The following FOXP1 variants were observed in gnomAD, a reference collection of about 807,000 sequenced individuals.
The protein encoded by FOXP1 is forkhead box protein P1.
A neutral mutation model predicts 98.2 loss-of-function variants in FOXP1; 15 were observed. That is an observed-to-expected ratio of 0.15 (90% CI 0.10 to 0.24). The LOEUF (loss-of-function observed/expected upper bound fraction) is 0.24, where lower values mean the gene tolerates loss of function less well. Among genes scored for constraint, FOXP1 ranks in the 10% least tolerant of loss-of-function variants. FOXP1 has a pLI of 1.00. For missense variants in FOXP1, 633 were observed against 848.5 expected (o/e 0.75, Z 3.15); for synonymous variants, 371 against 314.5 (o/e 1.18, Z -1.90).
In FOXP1 at chr3:71,430,951, GC is replaced by G. The variant is rs1291569050; in HGVS notation, c.-168+62474del. ...GGAAATATGGCACCTGTACCAATGG[GC>G]CCCTCCAATTTATATGAAACACTTT... is the stretch of plus-strand genomic sequence containing the variant. On this transcript the variant is annotated intron_variant, in intron 3 of 20. Transcript: ENST00000649528. Among the ~76,000 whole-genome samples the G allele has an allele frequency of 1.3e-3, 201 of 152,138 alleles. 4 individuals carry two copies. Among genetic ancestry groups the G allele is most frequent in the Non-Finnish European group, 1.5e-3 (99 of 68,000 alleles).
chr3:71,342,669 G>A (rs2077080199), intron 4 of FOXP1, among the ~76,000 whole-genome samples: 2 of 144,898 alleles, frequency 1.4e-5, no homozygotes, highest in South Asian at 4.6e-4. Flanking sequence ...CTCCAGCCTG[G>A]GTGACAGAGA....
chr3:71,230,843 G>A (rs866256922), intron 5 of FOXP1, among the ~76,000 whole-genome samples: 2 of 152,206 alleles, frequency 1.3e-5, no homozygotes, highest in Non-Finnish European at 2.9e-5. Flanking sequence ...ATCAACTGTA[G>A]GAGGGGGGTG....
intron 5 of FOXP1, among the ~76,000 whole-genome samples, chr3:71,224,251 C>T (rs944188920): frequency 2.4e-4 from 37 of 152,070 alleles, no homozygotes; most frequent in Non-Finnish European, 4.0e-4. Flanking sequence ...TGCTCAGTTA[C>T]GTCTAGGATG....
At chr3:71,413,132 A>ACC (rs113903544) in intron 3 of FOXP1, among the ~76,000 whole-genome samples, 1 of 133,682 alleles carries the variant, frequency 7.5e-6, no homozygotes, top group Non-Finnish European at 1.7e-5. Context: ...ACACACACGC[A>ACC]CCCCCAAACA....
intron 3 of FOXP1, among the ~76,000 whole-genome samples, chr3:71,437,698 G>T (rs1053542425): frequency 6.6e-6 from 1 of 152,174 alleles, no homozygotes; most frequent in South Asian, 2.1e-4. Flanking sequence ...GGGTGGAGGA[G>T]CATGAACTTC....
Position 71,515,406 on chromosome 3 carries a change from ATTTCC to A in FOXP1, c.-297-21856_-297-21852del, listed in dbSNP as rs970649560. Among the ~76,000 whole-genome samples the A allele has an allele frequency of 4.2e-5, 5 of 118,328 alleles. No homozygotes were observed. In the Admixed American group the frequency reaches 5.5e-4, roughly 13 times the overall value. The allele number at this position is 118,328 out of a possible 152,430, so 77.6% of individuals were successfully genotyped here. The stretch of plus-strand genomic sequence containing the variant: ...AAACGTTCAACTAAATGGTATACGC[ATTTCC>A]CTTTGATCAAAATTTACACAGCAAA... On this transcript the variant is annotated intron_variant, in intron 2 of 20. Coordinates refer to ENST00000649528, the MANE Select transcript of FOXP1 (RefSeq NM_001349338.3).
chr3:70,968,363 GTTTTTTTT>G (rs36077201), intron 19 of FOXP1: 1 of 119,240 alleles, frequency 8.4e-6, no homozygotes. Context: ...CTAACAAAGT[GTTTTTTTT>G]TTTTTTTTTT....
chr3:71,133,433 C>T (rs1333522235), intron 6 of FOXP1, among the ~76,000 whole-genome samples: 1 of 152,228 alleles, frequency 6.6e-6, no homozygotes, highest in Non-Finnish European at 1.5e-5. Context: ...CCCTTTCAGA[C>T]TTCTCCTGGA....
chr3:71,400,195 C>T (rs201834645), intron 3 of FOXP1, among the ~76,000 whole-genome samples: 4 of 152,016 alleles, frequency 2.6e-5, no homozygotes, highest in African/African-American at 4.8e-5. Context: ...ATAATATTGA[C>T]GTAAATCTTA....
intron 5 of FOXP1, among the ~76,000 whole-genome samples, chr3:71,256,889 G>C (rs1398111514): frequency 6.6e-6 from 1 of 152,192 alleles, no homozygotes; most frequent in Non-Finnish European, 1.5e-5. Flanking sequence ...ACGAGCTGGG[G>C]AAGATACTGG....
chr3:71,540,499 GAT>G (rs755310043), intron 2 of FOXP1, among the ~76,000 whole-genome samples: 8 of 152,212 alleles, frequency 5.3e-5, no homozygotes, highest in Non-Finnish European at 1.2e-4. Flanking sequence ...AAGGGTAACA[GAT>G]AATCAATTAA....
chr3:71,012,567 A>G (rs1198215769), intron 12 of FOXP1, among the ~76,000 whole-genome samples: 1 of 152,238 alleles, frequency 6.6e-6, no homozygotes, highest in Non-Finnish European at 1.5e-5. Flanking sequence ...CTGAGGCAAG[A>G]AAGCTATGAA....
intron 5 of FOXP1, among the ~76,000 whole-genome samples, chr3:71,233,842 G>C (rs954886069): frequency 2.0e-5 from 3 of 152,206 alleles, no homozygotes; most frequent in Non-Finnish European, 2.9e-5. Flanking sequence ...GAATCAAAAA[G>C]AGAACTTAAG....
At chr3:71,290,310 C>T (rs920002717) in intron 5 of FOXP1, among the ~76,000 whole-genome samples, 3 of 152,146 alleles carry the variant, frequency 2.0e-5, no homozygotes, top group Non-Finnish European at 1.5e-5. Flanking sequence ...GATTATATCC[C>T]GTCATTCAAG....
At chr3:71,407,965 T>G (rs1377715116) in intron 3 of FOXP1, among the ~76,000 whole-genome samples, 2 of 152,158 alleles carry the variant, frequency 1.3e-5, no homozygotes, top group African/African-American at 4.8e-5. Context: ...ATTTAAGACC[T>G]CCTTTGAGAC....
intron 2 of FOXP1, chr3:71,573,735 A>G (rs2047516973): frequency 6.6e-6 from 1 of 152,140 alleles, no homozygotes; most frequent in African/African-American, 2.4e-5. Context: ...TTGCTTATGG[A>G]CATAGATGTT....
At chr3:71,341,038 A>G (rs1196000005) in intron 4 of FOXP1, among the ~76,000 whole-genome samples, 2 of 152,194 alleles carry the variant, frequency 1.3e-5, no homozygotes, top group African/African-American at 4.8e-5. Context: ...TCAATACTCC[A>G]CCTACCAATC....
rs182018598 is a variant in FOXP1, at chr3:71,087,159, C to A, written c.282+25377G>T. On this transcript the variant is annotated intron_variant, in intron 7 of 20. Coordinates refer to ENST00000649528, the MANE Select transcript of FOXP1 (RefSeq NM_001349338.3). ...TTGGATTTCCTCGGGACAGTCCACA[C>A]CATTCAAGAGCTGTGCAGGCCCTGA... 8.7e-3 allele frequency among the ~76,000 whole-genome samples: 1,324 copies of A among 152,282 alleles called. 8 individuals carry two copies. The highest frequency in any genetic ancestry group is 0.013 in the Non-Finnish European group (871 of 68,024).
chr3:71,070,008 A>G (rs1289598991), intron 7 of FOXP1, among the ~76,000 whole-genome samples: 1 of 152,148 alleles, frequency 6.6e-6, no homozygotes, highest in Admixed American at 6.5e-5. Context: ...CCCTAGGTTG[A>G]CACACCCTCA....
Sources: gnomAD v4.1 joint callset for allele counts (sites outside exome capture counted in the v4.1 genomes callset) on GRCh38, gnomAD v4.1.1 for gene constraint, MANE v1.5 for transcripts, NCBI Gene and HGNC (gene_info 2026-07-23, HGNC 2026-07-21) for gene names.